Variants in CHRNG observed in about 807,000 individuals in gnomAD.
CHRNG encodes the protein cholinergic receptor nicotinic gamma subunit.
A neutral mutation model predicts 65.2 loss-of-function variants in CHRNG; 72 were observed. The observed-to-expected ratio is 1.10, with a 90% CI of 0.91 to 1.34. The LOEUF is 1.34. Among genes scored for constraint, CHRNG ranks in the 40% most tolerant of loss-of-function variants. CHRNG has a pLI of 0.00. For synonymous variants in CHRNG, 284 were observed against 290.2 expected (o/e 0.98, Z 0.22); for missense variants, 637 against 680.1 (o/e 0.94, Z 0.70).
In CHRNG at chr2:232,541,967, C is replaced by G; in HGVS notation, c.506+438C>G. The G allele has an allele frequency of 3.1e-6, 1 of 326,562 alleles. No individual in the cohort carries two copies. The highest frequency in any genetic ancestry group is 3.1e-5 in the South Asian group (1 of 31,906). The allele number at this position is 326,562 out of a possible 1,614,324, so 20.2% of individuals were successfully genotyped here. ...AAGCCACCCCTGGGGGTCTCTGGGT[C>G]TGTTTCCTCAAACCTAAGTGTGGGG... On this transcript the variant is annotated intron_variant, in intron 5 of 11. Coordinates refer to ENST00000651502, the MANE Select transcript of CHRNG (RefSeq NM_005199.5). The surrounding 1 kb of genome is among the most constrained non-coding windows in gnomAD (Gnocchi z 4.0).
chr2:232,539,826 C>G (rs754428184), intron 1 of CHRNG, 24 bp downstream of exon 1: 3 of 1,613,298 alleles, frequency 1.9e-6, no homozygotes, highest in Non-Finnish European at 2.5e-6. Flanking sequence ...GAATCTCAGC[C>G]TGGGGAGTCC....
In CHRNG at chr2:232,540,860, G is replaced by A. The variant is rs977397832; in HGVS notation, c.350+149G>A. 3 of 756,318 alleles carry A rather than the reference G, an allele frequency of 4.0e-6. No homozygotes were observed. Among genetic ancestry groups the A allele is most frequent in the Admixed American group, 4.2e-5 (2 of 47,260 alleles). 46.9% of individuals were successfully genotyped at this position (756,318 alleles called of 1,614,324 possible). A position where few individuals can be genotyped will look rare whatever the true frequency, so the allele number is the denominator to read the frequency against. On this transcript the variant is annotated intron_variant, in intron 4 of 11. Coordinates refer to ENST00000651502, the MANE Select transcript of CHRNG (RefSeq NM_005199.5). This position sits in a 1 kb window ranked among gnomAD's most constrained non-coding sequence, Gnocchi z 4.2. ...TAGGGAAGAACTGGATGGAGCAGGT[G>A]CCGAGGGCAGGGCCCTGGGTATGCC...
intron 9 of CHRNG, 84 bp downstream of exon 9, chr2:232,543,783 G>C: frequency 1.2e-6 from 1 of 833,574 alleles, no homozygotes; most frequent in South Asian, 1.4e-5. Flanking sequence ...GTACTCACCT[G>C]TGGCATTCCA....
rs1692139597 is a variant in CHRNG, at chr2:232,546,642, T to C, written c.*926T>C. Reference sequence around the variant, plus strand: ...ATAAGCCACTGTACCTGGCCTCCTTTTTAATTAAGAGCTCCTCACAGCAGT... The same window carrying C: ...ATAAGCCACTGTACCTGGCCTCCTTCTTAATTAAGAGCTCCTCACAGCAGT... On this transcript the variant is annotated 3_prime_UTR_variant, in exon 12 of 12. Coordinates refer to ENST00000651502, the MANE Select transcript of CHRNG (RefSeq NM_005199.5). Among the ~76,000 whole-genome samples, 1 of 152,148 alleles carries C rather than the reference T, an allele frequency of 6.6e-6. No individual in the cohort carries two copies. The highest frequency in any genetic ancestry group is 2.1e-4 in the South Asian group (1 of 4,826).
At position 232,540,622 on chromosome 2, in the gene CHRNG, G is replaced by C. The variant is rs979036546; in HGVS notation, c.261G>C (p.Leu87=). ...TGCAGCAGTGGTGCGACTATCGCCT[G>C]CGCTGGGATCCGCGAGACTACGAAG... ...WIEMQWCDYR[L]RWDPRDYEGL... Residue 87 remains leucine (L), a synonymous_variant, in exon 4 of 12, where the codon CTG becomes CTC. Transcript: ENST00000651502. This position sits in a 1 kb window ranked among gnomAD's most constrained non-coding sequence, Gnocchi z 4.2. 11 of 1,612,524 alleles carry C rather than the reference G, an allele frequency of 6.8e-6. No individual in the cohort carries two copies. In the Admixed American group the frequency reaches 1.8e-4, roughly 27 times the overall value.
chr2:232,544,526 C>G lies in CHRNG; in HGVS notation c.1195C>G (p.Leu399Val). The G allele has an allele frequency of 5.0e-6, 8 of 1,613,902 alleles. No homozygotes were observed. The highest frequency in any genetic ancestry group is 5.9e-6 in the Non-Finnish European group (7 of 1,180,014). Reference protein sequence around the residue: ...VALCLPRSELLFQQWQRQGLV... With the variant: ...VALCLPRSELVFQQWQRQGLV... ...CCTCTGCCTGCCTCGCAGTGAACTCCTCTTCCAGCAGTGGCAGCGGCAAGG... is the reference window on the plus strand; with the variant it reads ...CCTCTGCCTGCCTCGCAGTGAACTCGTCTTCCAGCAGTGGCAGCGGCAAGG... The change falls in exon 10 of 12, where the codon CTC becomes GTC. Residue 399 changes from leucine to valine, a missense_variant. Leu to Val is a conservative substitution (Grantham distance 32, BLOSUM62 1). Transcript: ENST00000651502.
At position 232,540,383 on chromosome 2, in the gene CHRNG, C is replaced by A; in HGVS notation, c.198C>A (p.Asn66Lys). 1 of 1,614,064 alleles carries A rather than the reference C, an allele frequency of 6.2e-7. No individual in the cohort carries two copies. Among genetic ancestry groups the A allele is most frequent in the Non-Finnish European group, 8.5e-7 (1 of 1,179,980 alleles). ...ATACTACACCCTTGCACCCCCAGAA[C>A]GAGCGAGAGGAAGCCCTCACCACCA... is the stretch of plus-strand genomic sequence containing the variant. Reference protein sequence around the residue: ...KLTLTNLISLNEREEALTTNV... With the variant: ...KLTLTNLISLKEREEALTTNV... The change falls in exon 3 of 12, where the codon AAC (asparagine) becomes AAA (lysine). Residue 66 changes from asparagine to lysine, a missense_variant and splice_region_variant. Asn to Lys is a moderately conservative substitution (Grantham distance 94). Coordinates refer to ENST00000651502, the MANE Select transcript of CHRNG (RefSeq NM_005199.5). This position sits in a 1 kb window ranked among gnomAD's most constrained non-coding sequence, Gnocchi z 4.2.
chr2:232,543,484 C>CA lies in CHRNG; in HGVS notation c.920+95_920+96insA. 3.4e-6 allele frequency: 4 copies of CA among 1,178,098 alleles called. No individual in the cohort carries two copies. The Middle Eastern group carries it at 5.7e-4, about 168-fold the overall frequency. The allele number at this position is 1,178,098 out of a possible 1,614,324, so 73.0% of individuals were successfully genotyped here. On this transcript the variant is annotated intron_variant, in intron 8 of 11. Coordinates refer to ENST00000651502, the MANE Select transcript of CHRNG (RefSeq NM_005199.5). ...TTGCCCTCTTGCCCTCCATCCACCC[C>CA]CCCCATCCTCAATTCAGGAGGCCTG...
rs919180697 is a variant in CHRNG, at chr2:232,540,999, A to G, written c.350+288A>G. Among the ~76,000 whole-genome samples the G allele has an allele frequency of 8.5e-5, 13 of 152,192 alleles. No individual in the cohort carries two copies. The highest frequency in any genetic ancestry group is 2.7e-4 in the African/African-American group (11 of 41,506). Reference sequence around the variant, plus strand: ...TAACATGGGGCCGCTGACGGGTCCTATAGAAGCTGGCGAGAGTCAACAAGA... The same window carrying G: ...TAACATGGGGCCGCTGACGGGTCCTGTAGAAGCTGGCGAGAGTCAACAAGA... On this transcript the variant is annotated intron_variant, in intron 4 of 11. Transcript: ENST00000651502. This position sits in a 1 kb window ranked among gnomAD's most constrained non-coding sequence, Gnocchi z 4.2.
intron 11 of CHRNG, 41 bp from the exon 12 acceptor site, chr2:232,545,502 G>C (rs758596936): frequency 6.3e-7 from 1 of 1,583,754 alleles, no homozygotes; most frequent in South Asian, 1.1e-5. Context: ...GGAAGACCTG[G>C]TGCCGCCGCT....
chr2:232,543,664 C>A lies in CHRNG; in HGVS notation c.1000C>A (p.Pro334Thr). ...VVVLNVSLRS[P>T]HTHSMARGVR... Reference sequence around the variant, plus strand: ...TGTGCTCAATGTCTCCTTGCGGTCTCCACACACACACTCCATGGCCCGAGG... The same window carrying A: ...TGTGCTCAATGTCTCCTTGCGGTCTACACACACACACTCCATGGCCCGAGG... Residue 334 changes from proline to threonine, a missense_variant, in exon 9 of 12, where the codon CCA (proline) becomes ACA (threonine). Pro to Thr is a conservative substitution (Grantham distance 38, BLOSUM62 -1). Transcript: ENST00000651502. 1 of 1,613,222 alleles carries A rather than the reference C, an allele frequency of 6.2e-7. No homozygotes were observed. Among genetic ancestry groups the A allele is most frequent in the East Asian group, 2.2e-5 (1 of 44,866 alleles).
At position 232,540,161 on chromosome 2, in the gene CHRNG, G is replaced by C. The variant is rs752915821; in HGVS notation, c.195+30G>C. 6.2e-7 allele frequency: 1 copy of C among 1,614,102 alleles called. No individual in the cohort carries two copies. Among genetic ancestry groups the C allele is most frequent in the Admixed American group, 1.7e-5 (1 of 60,026 alleles). On this transcript the variant is annotated intron_variant, in intron 2 of 11. Transcript: ENST00000651502. This position sits in a 1 kb window ranked among gnomAD's most constrained non-coding sequence, Gnocchi z 4.2. ...GCCGCAGGACGGAGGAGGGGTCAGCGCACCACGCCCTGGGACCTGCTGGGG... is the reference window on the plus strand; with the variant it reads ...GCCGCAGGACGGAGGAGGGGTCAGCCCACCACGCCCTGGGACCTGCTGGGG...
rs771680359 is a variant in CHRNG at position 232,543,654 on chromosome 2, C to T, written c.990C>T (p.Ser330=). The T allele has an allele frequency of 1.2e-6, 2 of 1,613,914 alleles. No homozygotes were observed. Among genetic ancestry groups the T allele is most frequent in the East Asian group, 2.2e-5 (1 of 44,864 alleles). ...ATGCTGTGGTTGTGCTCAATGTCTC[C>T]TTGCGGTCTCCACACACACACTCCA... is the stretch of plus-strand genomic sequence containing the variant. ...VVNAVVVLNV[S]LRSPHTHSMA... Residue 330 remains serine, a synonymous_variant, in exon 9 of 12, where the codon TCC becomes TCT. Transcript: ENST00000651502.
In CHRNG at chr2:232,547,434, T is replaced by C. The variant is rs1387561929; in HGVS notation, c.*1718T>C. On this transcript the variant is annotated 3_prime_UTR_variant, in exon 12 of 12. Coordinates refer to ENST00000651502, the MANE Select transcript of CHRNG (RefSeq NM_005199.5). ...CCTGTCTCAAAAAAAATAAAAAAAT[T>C]ACAAAACTGAAAAAAGAAAAGTGAA... 1.3e-5 allele frequency among the ~76,000 whole-genome samples: 2 copies of C among 151,914 alleles called. No individual in the cohort carries two copies. Among genetic ancestry groups the C allele is most frequent in the Non-Finnish European group, 2.9e-5 (2 of 67,990 alleles).
In CHRNG at chr2:232,539,768, G is replaced by A. The variant is rs138991640; in HGVS notation, c.21G>A (p.Pro7=). The A allele has an allele frequency of 4.9e-5, 79 of 1,613,902 alleles. No homozygotes were observed. In the African/African-American group the frequency reaches 5.3e-4, roughly 11 times the overall value. Residue 7 remains proline, a synonymous_variant, in exon 1 of 12, where the codon CCG becomes CCA. Transcript: ENST00000651502. MHGGQG[P]LLLLLLLAVC... is the part of the protein sequence containing the mutation. ...GCACCATGCATGGGGGCCAGGGGCC[G>A]CTGCTCCTCCTGCTGCTGCTGGCTG...
chr2:232,545,650 C>T lies in CHRNG; in HGVS notation c.1488C>T (p.His496=), dbSNP rs1438846182. ...CGTAGIFLMA[H]YNRVPALPFP... The stretch of plus-strand genomic sequence containing the variant: ...CAGCTGGCATCTTCCTCATGGCCCA[C>T]TACAACCGGGTGCCGGCCCTGCCAT... The change falls in exon 12 of 12, where the codon CAC becomes CAT. Residue 496 remains histidine, a synonymous_variant. Coordinates refer to ENST00000651502, the MANE Select transcript of CHRNG (RefSeq NM_005199.5). 4 of 1,614,088 alleles carry T rather than the reference C, an allele frequency of 2.5e-6. No individual in the cohort carries two copies. The highest frequency in any genetic ancestry group is 2.7e-5 in the African/African-American group (2 of 74,946).
Position 232,544,485 on chromosome 2 carries a change from C to G in CHRNG, c.1154C>G (p.Thr385Ser). Reference sequence around the variant, plus strand: ...GGCTCCTCGGGATGGTCGATCACAACTGGGGAGGAGGTGGCCCTCTGCCTG... The same window carrying G: ...GGCTCCTCGGGATGGTCGATCACAAGTGGGGAGGAGGTGGCCCTCTGCCTG... Reference protein sequence around the residue: ...QNGSSGWSITTGEEVALCLPR... With the variant: ...QNGSSGWSITSGEEVALCLPR... Residue 385 changes from threonine (T) to serine (S), a missense_variant, in exon 10 of 12, where the codon ACT (threonine) becomes AGT (serine). Physicochemically the swap from Thr to Ser is moderately conservative, Grantham distance 58. Coordinates refer to ENST00000651502, the MANE Select transcript of CHRNG (RefSeq NM_005199.5). 10 of 1,613,786 alleles carry G rather than the reference C, an allele frequency of 6.2e-6. No homozygotes were observed. The highest frequency in any genetic ancestry group is 8.5e-6 in the Non-Finnish European group (10 of 1,179,966).
In CHRNG at chr2:232,540,900, C is replaced by T. The variant is rs1158903418; in HGVS notation, c.350+189C>T. Among the ~76,000 whole-genome samples, 4 of 152,058 alleles carry T rather than the reference C, an allele frequency of 2.6e-5. No individual in the cohort carries two copies. Among genetic ancestry groups the T allele is most frequent in the Non-Finnish European group, 5.9e-5 (4 of 68,000 alleles). On this transcript the variant is annotated intron_variant, in intron 4 of 11. Transcript: ENST00000651502. The surrounding 1 kb of genome is among the most constrained non-coding windows in gnomAD (Gnocchi z 4.2). ...CTGGGTATGCCCTCTGACCCCAGGGCCAGCAGAGCAGACCCTACGCCAGGC... is the reference window on the plus strand; with the variant it reads ...CTGGGTATGCCCTCTGACCCCAGGGTCAGCAGAGCAGACCCTACGCCAGGC...
In CHRNG at chr2:232,543,189, G is replaced by C. The variant is rs1391858128; in HGVS notation, c.806-86G>C. 3.2e-5 allele frequency: 48 copies of C among 1,517,524 alleles called. 2 individuals carry two copies. The South Asian group carries it at 4.6e-4, about 15-fold the overall frequency. The allele number at this position is 1,517,524 out of a possible 1,614,324, so 94.0% of individuals were successfully genotyped here. On this transcript the variant is annotated intron_variant, in intron 7 of 11. Coordinates refer to ENST00000651502, the MANE Select transcript of CHRNG (RefSeq NM_005199.5). ...GAGTGGCATTACGACCCAGGACAGA[G>C]GCAGCGGGCTACTTCTGGGGTAAGG...
Sources: gnomAD v4.1 joint callset for allele counts (sites outside exome capture counted in the v4.1 genomes callset) on GRCh38, gnomAD v4.1.1 for gene constraint, Gnocchi (gnomAD v3.1) non-coding constraint, MANE v1.5 for transcripts, NCBI Gene and HGNC (gene_info 2026-07-23, HGNC 2026-07-21) for gene names.